Variants in PCA3 observed in about 807,000 individuals in gnomAD.
PCA3 encodes prostate cancer associated 3, also known as Differential Display code 3.
intron 2 of PCA3, among the ~76,000 whole-genome samples, chr9:76,774,453 T>TTTTTATTTATTTATTTATTTATTTATTTA (rs1554761597): frequency 5.7e-5 from 7 of 122,222 alleles, no homozygotes; most frequent in South Asian, 2.9e-4. Flanking sequence ...TTCAACCCTT[T>TTTTTATTTATTTATTTATTTATTTATTTA]TTTTTTTTTT....
chr9:76,780,421 C>T (rs547840771), intron 2 of PCA3, among the ~76,000 whole-genome samples: 1 of 152,296 alleles, frequency 6.6e-6, no homozygotes, highest in South Asian at 2.1e-4. Context: ...GGCACGATGG[C>T]TCACGCCTGT....
At chr9:76,769,560 G>A (rs1391761961) in intron 2 of PCA3, among the ~76,000 whole-genome samples, 1 of 152,126 alleles carries the variant, frequency 6.6e-6, no homozygotes, top group Non-Finnish European at 1.5e-5. Flanking sequence ...CAAGTAGCTG[G>A]GATTACAGGC....
In PCA3 at chr9:76,781,936, C is replaced by T. The variant is rs141669419; in HGVS notation, n.853-26647C>T. On this transcript the variant is annotated intron_variant and non_coding_transcript_variant, in intron 2 of 5. Coordinates refer to ENST00000644657, the Ensembl canonical transcript of PCA3. The stretch of plus-strand genomic sequence containing the variant: ...ATAGAAAGCATTGGGAAAGCCTGGC[C>T]GGGCGCGGTGGCTCACGCCTGTAAT... 5.1e-4 allele frequency among the ~76,000 whole-genome samples: 78 copies of T among 151,874 alleles called. No individual in the cohort carries two copies. The Middle Eastern group carries it at 0.014, about 26-fold the overall frequency.
intron 2 of PCA3, among the ~76,000 whole-genome samples, chr9:76,769,244 A>G (rs892094005): frequency 2.0e-5 from 3 of 152,206 alleles, no homozygotes; most frequent in African/African-American, 7.2e-5. Context: ...AATTATACAC[A>G]CTATTCTGCA....
chr9:76,769,065 C>T (rs1017037654), intron 2 of PCA3, among the ~76,000 whole-genome samples: 3 of 152,184 alleles, frequency 2.0e-5, no homozygotes, highest in Admixed American at 1.3e-4. Context: ...TACTCATATG[C>T]AGACTTTATC....
At chr9:76,774,866 C>G (rs2053569366) in intron 2 of PCA3, among the ~76,000 whole-genome samples, 1 of 152,130 alleles carries the variant, frequency 6.6e-6, no homozygotes. Context: ...ATTTTAGAGA[C>G]AGAAAAACAT....
chr9:76,781,229 C>T (rs1005470522), intron 2 of PCA3, among the ~76,000 whole-genome samples: 24 of 152,126 alleles, frequency 1.6e-4, no homozygotes, highest in African/African-American at 5.6e-4. Flanking sequence ...TTGCCACATC[C>T]CTATCCTTTT....
intron 2 of PCA3, chr9:76,782,831 G>C (rs1046075128): frequency 1.3e-5 from 2 of 152,204 alleles, no homozygotes; most frequent in Non-Finnish European, 2.9e-5. Flanking sequence ...TCAATGGCAG[G>C]GGTGAGTTAC....
At chr9:76,780,523 T>C (rs1041917677) in intron 2 of PCA3, among the ~76,000 whole-genome samples, 16 of 150,642 alleles carry the variant, frequency 1.1e-4, no homozygotes, top group African/African-American at 3.6e-4. Flanking sequence ...CTGTTTCTAA[T>C]AAAAAAAAAT....
chr9:76,780,416 G>A (rs1014908600), intron 2 of PCA3, among the ~76,000 whole-genome samples: 1 of 152,126 alleles, frequency 6.6e-6, no homozygotes, highest in African/African-American at 2.4e-5. Flanking sequence ...GGCCAGGCAC[G>A]ATGGCTCACG....
chr9:76,769,404 T>G (rs906986440), intron 2 of PCA3, among the ~76,000 whole-genome samples: 6 of 152,186 alleles, frequency 3.9e-5, no homozygotes, highest in Admixed American at 2.0e-4. Flanking sequence ...TGATGGACAT[T>G]AAGGTTGCTT....
chr9:76,766,824 T>C (rs1313595232), intron 2 of PCA3, among the ~76,000 whole-genome samples: 1 of 152,220 alleles, frequency 6.6e-6, no homozygotes, highest in African/African-American at 2.4e-5. Context: ...CTGTGAGGGC[T>C]TTCTCTCCAA....
At chr9:76,767,748 C>T (rs1034391899) in intron 2 of PCA3, among the ~76,000 whole-genome samples, 19 of 152,252 alleles carry the variant, frequency 1.2e-4, no homozygotes, top group African/African-American at 4.6e-4. Context: ...ATCCAGCCTG[C>T]CCAGCACAAG....
chr9:76,786,232 A>C (rs1262015912), intron 2 of PCA3: 5 of 152,048 alleles, frequency 3.3e-5, no homozygotes, highest in Admixed American at 3.3e-4. Flanking sequence ...CTTTGTGTTC[A>C]TGGATAGTCC....
At position 76,767,451 on chromosome 9, in the gene PCA3, C is replaced by CAAA. The variant is rs33948203; in HGVS notation, n.852+30845_852+30847dup. Among the ~76,000 whole-genome samples, 1,009 of 146,526 alleles carry CAAA rather than the reference C, an allele frequency of 6.9e-3. 9 individuals are homozygous for CAAA. The highest frequency in any genetic ancestry group is 0.023 in the African/African-American group (943 of 40,188). On this transcript the variant is annotated intron_variant and non_coding_transcript_variant, in intron 2 of 5. Transcript: ENST00000644657. ...GGGCAAAAAGAGCAAAACTCTGTCTCAAAAAAAAAAAGAAAGAAAGAAAAA... is the reference window on the plus strand; with the variant it reads ...GGGCAAAAAGAGCAAAACTCTGTCTCAAAAAAAAAAAAAAGAAAGAAAGAAAAA...
intron 2 of PCA3, among the ~76,000 whole-genome samples, chr9:76,774,206 G>C: frequency 6.6e-6 from 1 of 151,996 alleles, no homozygotes. Context: ...CACAATCATA[G>C]CTCACTGCAG....
chr9:76,768,492 C>T (rs917088778), intron 2 of PCA3, among the ~76,000 whole-genome samples: 1 of 152,006 alleles, frequency 6.6e-6, no homozygotes, highest in African/African-American at 2.4e-5. Context: ...TACTCCTGGC[C>T]CCATTTCAAC....
intron 2 of PCA3, among the ~76,000 whole-genome samples, chr9:76,765,159 A>G (rs973147248): frequency 2.6e-5 from 4 of 152,146 alleles, no homozygotes; most frequent in Non-Finnish European, 5.9e-5. Context: ...ATGCAGTTAG[A>G]GAAAAGTCAA....
At chr9:76,768,256 G>A (rs778305186) in intron 2 of PCA3, among the ~76,000 whole-genome samples, 2 of 152,012 alleles carry the variant, frequency 1.3e-5, no homozygotes, top group East Asian at 1.9e-4. Flanking sequence ...GCAGTGGTGC[G>A]ATCTCAGCTC....
Sources: gnomAD v4.1 joint callset for allele counts (sites outside exome capture counted in the v4.1 genomes callset) on GRCh38, gnomAD v4.1.1 for gene constraint, MANE v1.5 for transcripts, NCBI Gene and HGNC (gene_info 2026-07-23, HGNC 2026-07-21) for gene names.